ARHGEF18: variants seen among roughly 807,000 people sequenced by gnomAD.
The protein encoded by ARHGEF18 is rho guanine nucleotide exchange factor 18.
In ARHGEF18, 93 loss-of-function variants were observed where a neutral mutation model predicts 155.7. The observed-to-expected ratio is 0.60, with a 90% confidence interval of 0.50 to 0.71. The LOEUF is 0.71. ARHGEF18 is among the 30% of genes least tolerant of loss of function. ARHGEF18 has a pLI of 0.00. For missense variants in ARHGEF18, 1,593 were observed against 1,816.1 expected (o/e 0.88, Z 2.23); for synonymous variants, 742 against 753.1 (o/e 0.99, Z 0.24).
intron 1 of ARHGEF18, among the ~76,000 whole-genome samples, chr19:7,360,655 A>G (rs1969509117): frequency 6.6e-6 from 1 of 152,172 alleles, no homozygotes; most frequent in African/African-American, 2.4e-5. Context: ...TGTCCAGTGA[A>G]GCAAGCCAAC....
intron 27 of ARHGEF18, 24 bp downstream of exon 27, chr19:7,469,155 C>G (rs1193953759): frequency 6.4e-7 from 1 of 1,558,790 alleles, no homozygotes; most frequent in Admixed American, 1.9e-5. Context: ...ACCCCTTCGC[C>G]TGGGCCTGGA....
At chr19:7,396,730 T>C (rs1050134555) in intron 10 of ARHGEF18, among the ~76,000 whole-genome samples, 4 of 146,296 alleles carry the variant, frequency 2.7e-5, no homozygotes, top group African/African-American at 7.5e-5. Flanking sequence ...AAAAAAGAAG[T>C]GTCAGGAGCA....
In ARHGEF18 at chr19:7,470,540, A is replaced by G. The variant is rs557096499; in HGVS notation, c.*242A>G. On this transcript the variant is annotated 3_prime_UTR_variant, in exon 29 of 29. Transcript: ENST00000668164. The surrounding 1 kb of genome is among the most constrained non-coding windows in gnomAD (Gnocchi z 5.9). ...TCTTTTTTTTTTTTTCAAAAAGGAA[A>G]GTTTTTAATGGAAAGTTGAGCCAGA... is the stretch of plus-strand genomic sequence containing the variant. 1.3e-3 allele frequency: 510 copies of G among 405,610 alleles called. 4 individuals are homozygous for G. The highest frequency in any genetic ancestry group is 9.9e-3 in the African/African-American group (481 of 48,620). 25.1% of individuals were successfully genotyped at this position (405,610 alleles called of 1,614,324 possible).
chr19:7,461,378 G>A (rs1199420014), intron 20 of ARHGEF18, among the ~76,000 whole-genome samples: 1 of 152,022 alleles, frequency 6.6e-6, no homozygotes, highest in South Asian at 2.1e-4. Flanking sequence ...GCAAAACCCC[G>A]TTTCTACTAA....
intron 23 of ARHGEF18, among the ~76,000 whole-genome samples, chr19:7,465,321 G>T (rs565223560): frequency 6.6e-6 from 1 of 152,208 alleles, no homozygotes; most frequent in South Asian, 2.1e-4. Context: ...CACACTAAGG[G>T]ATGTATTTTC....
chr19:7,459,445 C>G (rs1047213511), intron 19 of ARHGEF18, among the ~76,000 whole-genome samples: 5 of 152,174 alleles, frequency 3.3e-5, no homozygotes, highest in Admixed American at 1.3e-4. Flanking sequence ...GTCTTGAACT[C>G]CTGGCCTCAA....
chr19:7,453,076 G>C (rs1379025633), intron 16 of ARHGEF18, among the ~76,000 whole-genome samples: 1 of 151,936 alleles, frequency 6.6e-6, no homozygotes, highest in Non-Finnish European at 1.5e-5. Context: ...GCGGGTGCCT[G>C]TAATCCCAGC....
intron 10 of ARHGEF18, among the ~76,000 whole-genome samples, chr19:7,426,280 G>A (rs188220019): frequency 2.0e-5 from 3 of 152,096 alleles, no homozygotes. Flanking sequence ...CTGAGGTTAG[G>A]AGTTGGAGAC....
At chr19:7,473,018 G>A (rs893138105), downstream of ARHGEF18, 5 of 456,040 alleles carry the variant, frequency 1.1e-5, no homozygotes, top group Non-Finnish European at 1.8e-5. Context: ...GCCTGTGGAG[G>A]GTCCTGCCCA....
At chr19:7,446,895 CAAAAAAA>C (rs11329734) in intron 14 of ARHGEF18, 141 bp from the exon 15 acceptor site, 4 of 708,184 alleles carry the variant, frequency 5.6e-6, no homozygotes, top group Non-Finnish European at 7.6e-6. Context: ...GATGCTGTCT[CAAAAAAA>C]AAAAAAAAAG....
chr19:7,449,231 G>A (rs1184964079), intron 15 of ARHGEF18, among the ~76,000 whole-genome samples: 1 of 152,066 alleles, frequency 6.6e-6, no homozygotes, highest in African/African-American at 2.4e-5. Flanking sequence ...ATGCTCCCGA[G>A]AGAGTGTCAG....
chr19:7,445,114 G>A (rs1974904326), intron 14 of ARHGEF18, among the ~76,000 whole-genome samples: 1 of 152,112 alleles, frequency 6.6e-6, no homozygotes, highest in Non-Finnish European at 1.5e-5. Flanking sequence ...GTTGGTTTTT[G>A]GTTTTTGGTT....
chr19:7,382,806 C>G lies in ARHGEF18; in HGVS notation c.737C>G (p.Ala246Gly). 1 of 1,232,534 alleles carries G rather than the reference C, an allele frequency of 8.1e-7. No individual in the cohort carries two copies. Among genetic ancestry groups the G allele is most frequent in the Non-Finnish European group, 1.0e-6 (1 of 988,104 alleles). The allele number at this position is 1,232,534 out of a possible 1,614,324, so 76.3% of individuals were successfully genotyped here. The change falls in exon 9 of 29, where the codon GCT becomes GGT. Residue 246 changes from alanine (A) to glycine (G), a missense_variant. By Grantham distance (60) the Ala-to-Gly change is moderately conservative. Transcript: ENST00000668164. The stretch of plus-strand genomic sequence containing the variant: ...TCGTCCCTCAGGAGCGAGGACGGTG[C>G]TGGCAAGAACGAGAAGAGTGACAAG... ...FEFLSESEDG[A>G]GKNEKSDKST... is the part of the protein sequence containing the mutation.
chr19:7,434,038 GA>G (rs148178710), intron 10 of ARHGEF18, among the ~76,000 whole-genome samples: 3 of 55,528 alleles, frequency 5.4e-5, no homozygotes, highest in Non-Finnish European at 1.0e-4. Context: ...AAAAAAAAAA[GA>G]AAAAAAAAGT....
chr19:7,431,484 C>T (rs1973957617), intron 10 of ARHGEF18, among the ~76,000 whole-genome samples: 1 of 125,916 alleles, frequency 7.9e-6, no homozygotes, highest in Non-Finnish European at 1.6e-5. Flanking sequence ...GCACTCCAGC[C>T]TGGACGACAG....
chr19:7,466,122 G>A (rs574952287), intron 23 of ARHGEF18, among the ~76,000 whole-genome samples: 24 of 152,016 alleles, frequency 1.6e-4, no homozygotes, highest in South Asian at 8.3e-4. Flanking sequence ...GGTGGCTCAC[G>A]CCTGTAATCC....
At chr19:7,413,098 C>T (rs1255284156) in intron 10 of ARHGEF18, among the ~76,000 whole-genome samples, 1 of 151,918 alleles carries the variant, frequency 6.6e-6, no homozygotes, top group Non-Finnish European at 1.5e-5. Flanking sequence ...CGTCCCACAC[C>T]ATATTTTTGG....
intron 23 of ARHGEF18, among the ~76,000 whole-genome samples, chr19:7,466,228 A>G (rs1448723955): frequency 3.3e-5 from 5 of 151,998 alleles, no homozygotes; most frequent in Non-Finnish European, 7.4e-5. Context: ...TACCAAATAT[A>G]CAAAATTAGC....
At chr19:7,447,270 C>T in intron 15 of ARHGEF18, 102 bp downstream of exon 15, 1 of 1,174,796 alleles carries the variant, frequency 8.5e-7, no homozygotes, top group South Asian at 1.5e-5. Flanking sequence ...GCGGGCGGAT[C>T]ACAAGGCCAG....
Sources: gnomAD v4.1 joint callset for allele counts (sites outside exome capture counted in the v4.1 genomes callset) on GRCh38, gnomAD v4.1.1 for gene constraint, Gnocchi (gnomAD v3.1) non-coding constraint, MANE v1.5 for transcripts, NCBI Gene and HGNC (gene_info 2026-07-23, HGNC 2026-07-21) for gene names.